Variants in AP1S1 observed in about 807,000 individuals in gnomAD.
AP1S1 encodes adaptor related protein complex 1 subunit sigma 1.
Under a neutral mutation model 23.9 loss-of-function variants are expected in AP1S1, and 13 were observed. That is an observed-to-expected ratio of 0.54 (90% CI 0.35 to 0.86). AP1S1 has a LOEUF of 0.86. Ranked by LOEUF, AP1S1 falls within the 40% of genes least tolerant of loss-of-function variation. The probability of loss-of-function intolerance (pLI) is 0.01; values close to 1 mark genes in which losing one functional copy is unlikely to be tolerated. For missense variants in AP1S1, 119 were observed against 197.6 expected (o/e 0.60, Z 2.38); for synonymous variants, 84 against 77.7 (o/e 1.08, Z -0.43).
At chr7:101,156,911 C>A in intron 2 of AP1S1, 139 bp downstream of exon 2, 1 of 416,940 alleles carries the variant, frequency 2.4e-6, no homozygotes, top group Non-Finnish European at 3.8e-6. Context: ...TGTCAGCTTC[C>A]TTTTTTTTTT....
At chr7:101,155,548 A>C (rs924282461) in intron 1 of AP1S1, among the ~76,000 whole-genome samples, 52 of 152,298 alleles carry the variant, frequency 3.4e-4, no homozygotes, top group Admixed American at 3.3e-3. Flanking sequence ...GAGGCACCCT[A>C]AAAGGAAGAA....
chr7:101,160,595 G>A lies in AP1S1; in HGVS notation c.*29G>A. On this transcript the variant is annotated 3_prime_UTR_variant, in exon 5 of 5. Transcript: ENST00000337619. ...CTGCTGGGCCGGGGTGTGGCGATGG[G>A]GTCCTGGCAGCGTGGCGGGAACGGC... 1.2e-6 allele frequency: 2 copies of A among 1,608,750 alleles called. No individual in the cohort carries two copies. Among genetic ancestry groups the A allele is most frequent in the Non-Finnish European group, 1.7e-6 (2 of 1,179,344 alleles).
intron 4 of AP1S1, among the ~76,000 whole-genome samples, chr7:101,159,767 C>T (rs1454788734): frequency 6.6e-6 from 1 of 151,934 alleles, no homozygotes; most frequent in Non-Finnish European, 1.5e-5. Context: ...ACTGCCTGCC[C>T]CCTCTCTGCT....
chr7:101,157,706 A>C (rs1797015213), intron 3 of AP1S1, among the ~76,000 whole-genome samples: 1 of 152,244 alleles, frequency 6.6e-6, no homozygotes. Context: ...CAGGCACTTA[A>C]TCTCCACTTA....
intron 4 of AP1S1, chr7:101,159,618 CTTTTTTTTTTTTTT>C: frequency 6.9e-6 from 1 of 145,456 alleles, no homozygotes; most frequent in Non-Finnish European, 1.5e-5. Flanking sequence ...TTTTTTTTTT[CTTTTTTTTTTTTTT>C]AACACACACA....
rs2116688494 is a variant in AP1S1, at chr7:101,157,424, A to G, written c.230A>G (p.Glu77Gly). The change falls in exon 3 of 5, where the codon GAG (glutamate) becomes GGG (glycine). Residue 77 changes from glutamate to glycine, a missense_variant. Glu to Gly is a moderately conservative substitution (Grantham distance 98). Coordinates refer to ENST00000337619, the MANE Select transcript of AP1S1 (RefSeq NM_001283.5). ...FCCAIEGQDN[E>G]LITLELIHRY... ...TGCGCCATCGAGGGCCAAGACAATG[A>G]GCTCATCACACTGGAGCTGATCCAC... The G allele has an allele frequency of 6.3e-7, 1 of 1,583,088 alleles. No individual in the cohort carries two copies. The highest frequency in any genetic ancestry group is 1.2e-5 in the South Asian group (1 of 86,122).
chr7:101,160,474 C>T (rs1584206931), intron 4 of AP1S1, 45 bp from the exon 5 acceptor site: 4 of 1,605,078 alleles, frequency 2.5e-6, no homozygotes, highest in Non-Finnish European at 3.4e-6. Context: ...CCCTGTCGGC[C>T]TCTCCTGGTG....
At position 101,160,692 on chromosome 7, in the gene AP1S1, G is replaced by C; in HGVS notation, c.*126G>C. 5.2e-6 allele frequency: 6 copies of C among 1,156,524 alleles called. No homozygotes were observed. The highest frequency in any genetic ancestry group is 7.6e-6 in the Non-Finnish European group (6 of 788,814). 71.6% of individuals were successfully genotyped at this position (1,156,524 alleles called of 1,614,324 possible). A position where few individuals can be genotyped will look rare whatever the true frequency, so the allele number is the denominator to read the frequency against. ...CCCTCCTCTGCTGCCTCACCTTTCG[G>C]AGTGAGCTGTGGGCTCAGGCCCTTC... On this transcript the variant is annotated 3_prime_UTR_variant, in exon 5 of 5. Transcript: ENST00000337619.
rs773987909 is a variant in AP1S1 at position 101,160,607 on chromosome 7, G to T, written c.*41G>T. On this transcript the variant is annotated 3_prime_UTR_variant, in exon 5 of 5. Transcript: ENST00000337619. ...GGTGTGGCGATGGGGTCCTGGCAGCGTGGCGGGAACGGCTGCTTCTCCTCT... is the reference window on the plus strand; with the variant it reads ...GGTGTGGCGATGGGGTCCTGGCAGCTTGGCGGGAACGGCTGCTTCTCCTCT... 1.9e-6 allele frequency: 3 copies of T among 1,602,604 alleles called. No individual in the cohort carries two copies. Among genetic ancestry groups the T allele is most frequent in the Non-Finnish European group, 2.6e-6 (3 of 1,176,078 alleles).
At chr7:101,159,986 G>GCGCGCA (rs1554366291) in intron 4 of AP1S1, among the ~76,000 whole-genome samples, 4 of 144,496 alleles carry the variant, frequency 2.8e-5, no homozygotes, top group African/African-American at 1.0e-4. Flanking sequence ...ACCCTGGCGC[G>GCGCGCA]CACACACACA....
intron 2 of AP1S1, 139 bp downstream of exon 2, chr7:101,156,911 CTT>C (rs34043825): frequency 0.06 from 24,608 of 411,898 alleles, no homozygotes; most frequent in Middle Eastern, 0.087. Flanking sequence ...TGTCAGCTTC[CTT>C]TTTTTTTTTT....
chr7:101,157,791 GAC>G (rs1176335368), intron 3 of AP1S1, among the ~76,000 whole-genome samples: 1 of 152,010 alleles, frequency 6.6e-6, no homozygotes, highest in African/African-American at 2.4e-5. Flanking sequence ...TTTTTTTAGA[GAC>G]ACAGTCTCAC....
intron 3 of AP1S1, among the ~76,000 whole-genome samples, chr7:101,158,213 G>C (rs1157816552): frequency 6.6e-6 from 1 of 152,172 alleles, no homozygotes; most frequent in East Asian, 1.9e-4. Flanking sequence ...TTATCTGAGG[G>C]ACAGCTCAGA....
At chr7:101,155,385 A>G (rs1796977304) in intron 1 of AP1S1, among the ~76,000 whole-genome samples, 1 of 152,148 alleles carries the variant, frequency 6.6e-6, no homozygotes, top group South Asian at 2.1e-4. Flanking sequence ...AAGCTGGGGT[A>G]CACTGGGCAG....
intron 3 of AP1S1, 37 bp from the exon 4 acceptor site, chr7:101,159,022 C>A: frequency 6.2e-7 from 1 of 1,605,896 alleles, no homozygotes; most frequent in Non-Finnish European, 8.5e-7. Flanking sequence ...TCCAGTTGCC[C>A]CTCCATGCTC....
intron 3 of AP1S1, 134 bp downstream of exon 3, chr7:101,157,619 T>G: frequency 1.4e-6 from 1 of 703,592 alleles, no homozygotes; most frequent in Non-Finnish European, 2.5e-6. Flanking sequence ...GAACAGTAAT[T>G]AATTTCCCTT....
rs1797088418 is a variant in AP1S1 at position 101,160,743 on chromosome 7, CCTCCACTTT to C, written c.*179_*187del. ...AAACATTCCCTCCCTCCACCCCCTA[CCTCCACTTT>C]CCCCTTTTCCCACTGAAGGTTTTAG... On this transcript the variant is annotated 3_prime_UTR_variant, in exon 5 of 5. Coordinates refer to ENST00000337619, the MANE Select transcript of AP1S1 (RefSeq NM_001283.5). 1 of 765,558 alleles carries C rather than the reference CCTCCACTTT, an allele frequency of 1.3e-6. No individual in the cohort carries two copies. The highest frequency in any genetic ancestry group is 2.3e-6 in the Non-Finnish European group (1 of 443,610). The allele number at this position is 765,558 out of a possible 1,614,324, so 47.4% of individuals were successfully genotyped here. A position where few individuals can be genotyped will look rare whatever the true frequency, so the allele number is the denominator to read the frequency against.
Position 101,160,413 on chromosome 7 carries a change from G to A in AP1S1, c.430-106G>A, listed in dbSNP as rs139132282. ...ACATTGGCTTCTCTCCCCCTCCCCCGTGTCTGTGCCTCCCCCGTCTGACTC... is the reference window on the plus strand; with the variant it reads ...ACATTGGCTTCTCTCCCCCTCCCCCATGTCTGTGCCTCCCCCGTCTGACTC... On this transcript the variant is annotated intron_variant, in intron 4 of 4. Coordinates refer to ENST00000337619, the MANE Select transcript of AP1S1 (RefSeq NM_001283.5). The A allele has an allele frequency of 3.7e-3, 5,048 of 1,351,458 alleles. 30 individuals carry two copies. The highest frequency in any genetic ancestry group is 0.018 in the Middle Eastern group (98 of 5,594). The allele number at this position is 1,351,458 out of a possible 1,614,324, so 83.7% of individuals were successfully genotyped here. A position where few individuals can be genotyped will look rare whatever the true frequency, so the allele number is the denominator to read the frequency against.
At position 101,156,695 on chromosome 7, in the gene AP1S1, C is replaced by T. The variant is rs1344788578; in HGVS notation, c.105C>T (p.Leu35=). 1 of 1,609,590 alleles carries T rather than the reference C, an allele frequency of 6.2e-7. No homozygotes were observed. The highest frequency in any genetic ancestry group is 1.1e-5 in the South Asian group (1 of 89,806). ...DKERKKMVRE[L]MQVVLARKPK... is the part of the protein sequence containing the mutation. ...AACGGAAGAAGATGGTGCGCGAGCTCATGCAGGTTGTCCTGGCTCGAAAGC... is the reference window on the plus strand; with the variant it reads ...AACGGAAGAAGATGGTGCGCGAGCTTATGCAGGTTGTCCTGGCTCGAAAGC... The change falls in exon 2 of 5, where the codon CTC becomes CTT. Residue 35 remains leucine (L), a synonymous_variant. Coordinates refer to ENST00000337619, the MANE Select transcript of AP1S1 (RefSeq NM_001283.5).
Sources: allele counts gnomAD v4.1 joint callset (sites outside exome capture counted in the v4.1 genomes callset), GRCh38; gene constraint gnomAD v4.1.1; transcripts MANE v1.5; gene names NCBI Gene and HGNC (gene_info 2026-07-23, HGNC 2026-07-21).